The following RASGRF1 variants were observed in gnomAD, a reference collection of about 807,000 sequenced individuals.
The protein encoded by RASGRF1 is Ras protein specific guanine nucleotide releasing factor 1.
In RASGRF1, 40 loss-of-function variants were observed where a neutral mutation model predicts 138.7. The observed-to-expected ratio is 0.29, with a 90% CI of 0.22 to 0.38. The LOEUF (loss-of-function observed/expected upper bound fraction) is 0.38, where lower values mean the gene tolerates loss of function less well. Ranked by LOEUF, RASGRF1 falls within the 10% of genes least tolerant of loss-of-function variation. The pLI, the probability that RASGRF1 is intolerant of heterozygous loss-of-function variation, is 1.00. For missense variants in RASGRF1, 1,108 were observed against 1,650.4 expected, an observed-to-expected ratio of 0.67 and a Z score of 5.69; for synonymous variants, 614 against 663.2, an observed-to-expected ratio of 0.93 and a Z score of 1.14.
At chr15:79,036,795 A>T (rs1567557508) in intron 5 of RASGRF1, among the ~76,000 whole-genome samples, 1 of 152,072 alleles carries the variant, frequency 6.6e-6, no homozygotes, top group Non-Finnish European at 1.5e-5. Flanking sequence ...TAAGAGAGGA[A>T]GGGAGGAAGA....
chr15:79,000,395 T>C (rs577253732), intron 16 of RASGRF1, among the ~76,000 whole-genome samples: 6 of 152,162 alleles, frequency 3.9e-5, no homozygotes, highest in African/African-American at 9.6e-5. Flanking sequence ...GCCACCTGAG[T>C]TGAAATTCTC....
intron 13 of RASGRF1, chr15:79,012,652 A>T: frequency 7.1e-7 from 1 of 1,401,990 alleles, no homozygotes; most frequent in Non-Finnish European, 9.8e-7. Context: ...TTTCTTTCAT[A>T]GGTGATTTTA....
chr15:78,973,474 A>G lies in RASGRF1; in HGVS notation c.3495-54T>C. The G allele has an allele frequency of 7.4e-7, 1 of 1,356,454 alleles. No homozygotes were observed. The highest frequency in any genetic ancestry group is 1.0e-6 in the Non-Finnish European group (1 of 957,806). 84.0% of individuals were successfully genotyped at this position (1,356,454 alleles called of 1,614,324 possible). On this transcript the variant is annotated intron_variant, in intron 24 of 26. Coordinates refer to ENST00000558480, the MANE Select transcript of RASGRF1 (RefSeq NM_001145648.3). This position sits in a 1 kb window ranked among gnomAD's most constrained non-coding sequence, Gnocchi z 4.9. ...TTTTCATTTTAAAAAAGTAACGTCT[A>G]CCAAGAACAGAACATCCCGCATGCA...
intron 1 of RASGRF1, among the ~76,000 whole-genome samples, chr15:79,070,225 A>G (rs1224916371): frequency 1.3e-5 from 2 of 152,170 alleles, no homozygotes; most frequent in Admixed American, 6.5e-5. Context: ...TGGAGAGCAC[A>G]TGGAAGTCTC....
Position 79,073,921 on chromosome 15 carries a change from G to A in RASGRF1, c.277-9395C>T, listed in dbSNP as rs943612887. Among the ~76,000 whole-genome samples the A allele has an allele frequency of 1.3e-5, 2 of 152,180 alleles. No homozygotes were observed. Among genetic ancestry groups the A allele is most frequent in the Admixed American group, 6.5e-5 (1 of 15,270 alleles). Reference sequence around the variant, plus strand: ...CCAGGTGATCCTGCTGCACCCTGTGGTATGAGAAGCATTGCTTAAGGCAAG... The same window carrying A: ...CCAGGTGATCCTGCTGCACCCTGTGATATGAGAAGCATTGCTTAAGGCAAG... On this transcript the variant is annotated intron_variant, in intron 1 of 26. Transcript: ENST00000558480. The surrounding 1 kb of genome is among the most constrained non-coding windows in gnomAD (Gnocchi z 4.2).
chr15:78,968,509 C>T (rs2055689244), intron 26 of RASGRF1, among the ~76,000 whole-genome samples: 1 of 152,078 alleles, frequency 6.6e-6, no homozygotes, highest in African/African-American at 2.4e-5. Context: ...CTTCAAACTC[C>T]TAGGCTCAAG....
In RASGRF1 at chr15:79,046,703, A is replaced by G. The variant is rs1323830705; in HGVS notation, c.878+43T>C. 2 of 1,607,252 alleles carry G rather than the reference A, an allele frequency of 1.2e-6. No homozygotes were observed. Among genetic ancestry groups the G allele is most frequent in the South Asian group, 1.1e-5 (1 of 90,806 alleles). Reference sequence around the variant, plus strand: ...CAAAGCTTAGCTGCGGCCAATGCTCACTAGTCTCCTTCCTGCCTTGGCCAA... The same window carrying G: ...CAAAGCTTAGCTGCGGCCAATGCTCGCTAGTCTCCTTCCTGCCTTGGCCAA... On this transcript the variant is annotated intron_variant, in intron 5 of 26. Transcript: ENST00000558480. This position sits in a 1 kb window ranked among gnomAD's most constrained non-coding sequence, Gnocchi z 5.3.
intron 25 of RASGRF1, among the ~76,000 whole-genome samples, chr15:78,972,474 A>C (rs1475271690): frequency 6.6e-6 from 1 of 151,506 alleles, no homozygotes; most frequent in Non-Finnish European, 1.5e-5. Flanking sequence ...AAATTACACT[A>C]TGTGACTGAG....
At chr15:79,061,430 A>G (rs866237923) in intron 2 of RASGRF1, among the ~76,000 whole-genome samples, 2 of 147,202 alleles carry the variant, frequency 1.4e-5, no homozygotes, top group Non-Finnish European at 3.0e-5. Context: ...ATATATATAT[A>G]TCATTCATTT....
intron 13 of RASGRF1, among the ~76,000 whole-genome samples, chr15:79,009,204 C>T (rs890292279): frequency 2.6e-5 from 4 of 152,164 alleles, no homozygotes; most frequent in Admixed American, 6.5e-5. Context: ...TGCTGGCCTC[C>T]GTCTACAGTC....
chr15:79,089,405 C>T (rs529224602), intron 1 of RASGRF1, among the ~76,000 whole-genome samples: 124 of 152,350 alleles, frequency 8.1e-4, no homozygotes, highest in Non-Finnish European at 1.5e-3. Context: ...CCACCCCGCC[C>T]GGGCTCCCTG....
At chr15:79,065,006 T>G (rs1277087823) in intron 1 of RASGRF1, among the ~76,000 whole-genome samples, 4 of 152,210 alleles carry the variant, frequency 2.6e-5, no homozygotes, top group Non-Finnish European at 5.9e-5. Flanking sequence ...CACCTCTGTG[T>G]TGGGTGCAGG....
At chr15:78,985,321 C>G in intron 22 of RASGRF1, 117 bp from the exon 23 acceptor site, 1 of 1,122,998 alleles carries the variant, frequency 8.9e-7, no homozygotes, top group African/African-American at 1.6e-5. Flanking sequence ...AATTGGAAAA[C>G]TACGAGAACA....
At chr15:78,962,781 G>A (rs1380442381) in intron 26 of RASGRF1, among the ~76,000 whole-genome samples, 2 of 152,184 alleles carry the variant, frequency 1.3e-5, no homozygotes, top group African/African-American at 2.4e-5. Context: ...TACATGTGAG[G>A]CTGAGGCAGC....
intron 6 of RASGRF1, among the ~76,000 whole-genome samples, chr15:79,034,870 G>A (rs902110818): frequency 5.3e-5 from 8 of 152,204 alleles, no homozygotes; most frequent in Non-Finnish European, 7.4e-5. Context: ...ACTTTTATGG[G>A]TTCTCAATTT....
Position 79,027,899 on chromosome 15 carries a change from C to A in RASGRF1, c.1263-40G>T. ...AACTGCACAGTCAGAGACAGGCTGC[C>A]CCTACTTCCCAGGGAGGCGAGAATG... On this transcript the variant is annotated intron_variant, in intron 8 of 26. Transcript: ENST00000558480. This position sits in a 1 kb window ranked among gnomAD's most constrained non-coding sequence, Gnocchi z 4.8. 1 of 1,601,744 alleles carries A rather than the reference C, an allele frequency of 6.2e-7. No homozygotes were observed. Among genetic ancestry groups the A allele is most frequent in the Non-Finnish European group, 8.6e-7 (1 of 1,169,116 alleles).
At chr15:78,992,871 G>T (rs1170168572) in intron 20 of RASGRF1, among the ~76,000 whole-genome samples, 2 of 152,200 alleles carry the variant, frequency 1.3e-5, no homozygotes, top group Non-Finnish European at 2.9e-5. Flanking sequence ...GGGCACTGAG[G>T]TCTGCACCAA....
intron 10 of RASGRF1, among the ~76,000 whole-genome samples, chr15:79,021,077 G>C (rs1318620218): frequency 6.6e-6 from 1 of 152,096 alleles, no homozygotes; most frequent in Non-Finnish European, 1.5e-5. Flanking sequence ...AGGATACCCC[G>C]GCCCCAGTTG....
intron 2 of RASGRF1, among the ~76,000 whole-genome samples, chr15:79,064,056 C>T (rs1192577481): frequency 6.6e-6 from 1 of 152,142 alleles, no homozygotes; most frequent in African/African-American, 2.4e-5. Context: ...GAGGACTGGT[C>T]CATGGTAATG....
Sources: gnomAD v4.1 joint callset for allele counts (sites outside exome capture counted in the v4.1 genomes callset) on GRCh38, gnomAD v4.1.1 for gene constraint, Gnocchi (gnomAD v3.1) non-coding constraint, MANE v1.5 for transcripts, NCBI Gene and HGNC (gene_info 2026-07-23, HGNC 2026-07-21) for gene names.